The following DNAH3 variants were observed in gnomAD, a reference collection of about 807,000 sequenced individuals.
The protein encoded by DNAH3 is axonemal beta dynein heavy chain 3.
Under a neutral mutation model 432.5 loss-of-function variants are expected in DNAH3, and 332 were observed. The observed-to-expected ratio is 0.77, with a 90% CI of 0.70 to 0.84. The LOEUF (loss-of-function observed/expected upper bound fraction) is 0.84. Ranked by LOEUF, DNAH3 falls within the 40% of genes least tolerant of loss-of-function variation. The probability of loss-of-function intolerance (pLI) is 0.00; values close to 1 mark genes in which losing one functional copy is unlikely to be tolerated. For missense variants in DNAH3, 4,861 were observed against 5,114.0 expected, an observed-to-expected ratio of 0.95 and a Z score of 1.51; for synonymous variants, 1,956 against 1,900.2, an observed-to-expected ratio of 1.03 and a Z score of -0.76.
intron 60 of DNAH3, 151 bp downstream of exon 60, chr16:20,936,498 C>A (rs1424884825): frequency 1.4e-6 from 1 of 702,142 alleles, no homozygotes; most frequent in African/African-American, 1.8e-5. Context: ...CCTCCTGCTT[C>A]TAACTCCAGG....
At chr16:21,039,904 C>A (rs12927175) in exon 33 of DNAH3, 1 of 1,613,606 alleles carries the variant, frequency 6.2e-7, no homozygotes, top group South Asian at 1.1e-5. Context: ...CCAATGAGGG[C>A]GTAATCTGGG....
chr16:20,964,289 A>C lies in DNAH3; in HGVS notation c.9595T>G (p.Leu3199Val), dbSNP rs1243678533. 5 of 1,613,990 alleles carry C rather than the reference A, an allele frequency of 3.1e-6. No homozygotes were observed. In the Admixed American group the frequency reaches 6.7e-5, roughly 22 times the overall value. The change falls in exon 53 of 62, where the codon TTG (leucine) becomes GTG (valine). Residue 3199 changes from leucine to valine, a missense_variant. By Grantham distance (32) the Leu-to-Val change is conservative. Coordinates refer to ENST00000261383, the Ensembl canonical transcript of DNAH3. Reference sequence around the variant, plus strand: ...CCAAGGAGTTGATCTTGGAGACCCAAGGGGGTGATCATGAAGTTGAGGAGA... The same window carrying C: ...CCAAGGAGTTGATCTTGGAGACCCACGGGGGTGATCATGAAGTTGAGGAGA...
chr16:21,137,419 T>C (rs2092658824), intron 5 of DNAH3, among the ~76,000 whole-genome samples: 1 of 145,182 alleles, frequency 6.9e-6, no homozygotes, highest in Non-Finnish European at 1.5e-5. Context: ...GATCTATTGT[T>C]GTTCTTTTTT....
At chr16:21,020,375 C>CTATATATATA (rs752950422) in intron 40 of DNAH3, among the ~76,000 whole-genome samples, 28 of 32,952 alleles carry the variant, frequency 8.5e-4, no homozygotes, top group South Asian at 1.8e-3. Context: ...TATAAAATCA[C>CTATATATATA]TATATATATA....
intron 49 of DNAH3, among the ~76,000 whole-genome samples, chr16:20,981,140 T>C (rs1295017902): frequency 6.6e-6 from 1 of 152,192 alleles, no homozygotes; most frequent in African/African-American, 2.4e-5. Flanking sequence ...TGCAATGAGT[T>C]CTGCAAAGAA....
In DNAH3 at chr16:20,952,345, C is replaced by T. The variant is rs7199127; in HGVS notation, c.11188+88G>A. 7.3e-3 allele frequency: 5,880 copies of T among 802,236 alleles called. 252 individuals carry two copies. The African/African-American group carries it at 0.087, about 12-fold the overall frequency. 49.7% of individuals were successfully genotyped at this position (802,236 alleles called of 1,614,324 possible). The stretch of plus-strand genomic sequence containing the variant: ...TTTATGGTGAGGGAGGGAGGGAGTA[C>T]ATAAGTGAATGGAAATGGGAGGAGA... On this transcript the variant is annotated intron_variant, in intron 56 of 61. Coordinates refer to ENST00000261383, the Ensembl canonical transcript of DNAH3.
Position 21,042,183 on chromosome 16 carries a change from G to T in DNAH3, c.4482C>A (p.Val1494=), listed in dbSNP as rs147257748. ...GTTGGATGCTGAGGATCTGCTGAGC[G>T]ACCACAGACAGCACTTCTACCTGGG... The change falls in exon 32 of 62, where the codon GTC becomes GTA. Residue 1494 remains valine, a synonymous_variant. Coordinates refer to ENST00000261383, the Ensembl canonical transcript of DNAH3. 9 of 1,606,786 alleles carry T rather than the reference G, an allele frequency of 5.6e-6. No individual in the cohort carries two copies. In the African/African-American group the frequency reaches 8.1e-5, roughly 14 times the overall value.
exon 34 of DNAH3, chr16:21,037,977 G>C (rs896659486): frequency 1.2e-6 from 2 of 1,613,798 alleles, no homozygotes; most frequent in African/African-American, 2.7e-5. Context: ...TCTTCTGGGC[G>C]AGACTAGAAG....
chr16:21,071,280 G>A (rs966206723), intron 21 of DNAH3, among the ~76,000 whole-genome samples: 2 of 152,110 alleles, frequency 1.3e-5, no homozygotes, highest in South Asian at 2.1e-4. Flanking sequence ...GACCTCAGGT[G>A]ATCCACCCGC....
chr16:21,033,240 T>A (rs1048550070), intron 36 of DNAH3, among the ~76,000 whole-genome samples: 1 of 152,052 alleles, frequency 6.6e-6, no homozygotes, highest in African/African-American at 2.4e-5. Flanking sequence ...AGAAAAAAAA[T>A]TTTAAATGAA....
In DNAH3 at chr16:20,985,161, C is replaced by T. The variant is rs148693918; in HGVS notation, c.7581G>A (p.Val2527=). Residue 2527 remains valine (V), a synonymous_variant, in exon 48 of 62, where the codon GTG becomes GTA. Coordinates refer to ENST00000261383, the Ensembl canonical transcript of DNAH3. The stretch of plus-strand genomic sequence containing the variant: ...TCCTGGCTGCAGTCTGCATCTTCTC[C>T]ACGATGTCAGCCTTCTCGTCAGCAG... The T allele has an allele frequency of 1.3e-4, 213 of 1,614,204 alleles. No individual in the cohort carries two copies. The African/African-American group carries it at 2.7e-3, about 21-fold the overall frequency.
chr16:21,109,297 C>G (rs903655935), intron 14 of DNAH3, among the ~76,000 whole-genome samples: 1 of 152,082 alleles, frequency 6.6e-6, no homozygotes, highest in Non-Finnish European at 1.5e-5. Flanking sequence ...CCCAGATATG[C>G]CACTGCCTAA....
intron 31 of DNAH3, among the ~76,000 whole-genome samples, chr16:21,047,734 T>C (rs2089769352): frequency 6.6e-6 from 1 of 152,096 alleles, no homozygotes; most frequent in Non-Finnish European, 1.5e-5. Flanking sequence ...TGCGTTCCTT[T>C]GGAGGAGGAG....
In DNAH3 at chr16:21,050,026, G is replaced by A. The variant is rs1464590451; in HGVS notation, c.4239-8C>T. Reference sequence around the variant, plus strand: ...AAAGCTCCCATCAGTGTCCTATGGGGAAGAAAATAGAACTTCAGTGCTTGA... The same window carrying A: ...AAAGCTCCCATCAGTGTCCTATGGGAAAGAAAATAGAACTTCAGTGCTTGA... On this transcript the variant is annotated splice_region_variant and splice_polypyrimidine_tract_variant and intron_variant, in intron 29 of 61. Coordinates refer to ENST00000261383, the Ensembl canonical transcript of DNAH3. The A allele has an allele frequency of 1.3e-6, 2 of 1,594,428 alleles. No homozygotes were observed. Among genetic ancestry groups the A allele is most frequent in the African/African-American group, 2.7e-5 (2 of 74,472 alleles).
In DNAH3 at chr16:20,973,109, C is replaced by G. The variant is rs138421198; in HGVS notation, c.8259+2124G>C. Among the ~76,000 whole-genome samples, 8 of 152,216 alleles carry G rather than the reference C, an allele frequency of 5.3e-5. No homozygotes were observed. The East Asian group carries it at 1.5e-3, about 29-fold the overall frequency. On this transcript the variant is annotated intron_variant, in intron 51 of 61. Coordinates refer to ENST00000261383, the Ensembl canonical transcript of DNAH3. ...TTTGAAGAATGGTTGAGAGAATTTT[C>G]TGTTAAGTGGGGGCATAGGTTCAAG...
intron 41 of DNAH3, among the ~76,000 whole-genome samples, chr16:21,008,619 C>T (rs1053680799): frequency 2.6e-5 from 4 of 152,176 alleles, no homozygotes; most frequent in African/African-American, 9.7e-5. Flanking sequence ...CACACAGGGG[C>T]TTCCATGATG....
exon 51 of DNAH3, chr16:20,975,263 A>G (rs776234094): frequency 1.2e-6 from 2 of 1,613,878 alleles, no homozygotes; most frequent in South Asian, 1.1e-5. Flanking sequence ...CAGCAGCAAC[A>G]TTGGCTTCTT....
chr16:20,963,377 C>T (rs1333762621), exon 53 of DNAH3: 1 of 1,614,142 alleles, frequency 6.2e-7, no homozygotes, highest in Admixed American at 1.7e-5. Context: ...AACGTAGGGG[C>T]TTCGATATAC....
chr16:20,987,551 GATA>G (rs2086258467), intron 46 of DNAH3, 103 bp from the exon 47 acceptor site: 3 of 1,545,134 alleles, frequency 1.9e-6, no homozygotes, highest in East Asian at 2.3e-5. Flanking sequence ...GATTGAACTA[GATA>G]ATGTTTATAA....
Sources: gnomAD v4.1 joint callset for allele counts (sites outside exome capture counted in the v4.1 genomes callset) on GRCh38, gnomAD v4.1.1 for gene constraint, MANE v1.5 for transcripts, NCBI Gene and HGNC (gene_info 2026-07-23, HGNC 2026-07-21) for gene names.